The following PLEKHA6 variants were observed in gnomAD, a reference collection of about 807,000 sequenced individuals.
PLEKHA6 encodes pleckstrin homology domain-containing family A member 6.
PLEKHA6 carries 60 observed loss-of-function variants against 116.7 expected under a neutral mutation model. The ratio of observed to expected loss-of-function variants is 0.51; its 90% CI spans 0.42 to 0.64. The LOEUF (loss-of-function observed/expected upper bound fraction) is 0.64, where lower values mean the gene tolerates loss of function less well. Ranked by LOEUF, PLEKHA6 falls within the 30% of genes least tolerant of loss-of-function variation. The pLI is 0.00. For synonymous variants in PLEKHA6, 489 were observed against 556.1 expected (o/e 0.88, Z 1.70); for missense variants, 1,338 against 1,422.7 (o/e 0.94, Z 0.96).
chr1:204,237,814 A>G (rs777028044), intron 17 of PLEKHA6, among the ~76,000 whole-genome samples: 4 of 152,256 alleles, frequency 2.6e-5, no homozygotes, highest in Non-Finnish European at 5.9e-5. Flanking sequence ...CTTCCGCAAG[A>G]TATCACACTG....
intron 17 of PLEKHA6, among the ~76,000 whole-genome samples, chr1:204,236,835 C>T (rs1297715416): frequency 6.6e-6 from 1 of 152,178 alleles, no homozygotes; most frequent in African/African-American, 2.4e-5. Flanking sequence ...AACAGAGAAT[C>T]ACAGCCTCTC....
intron 9 of PLEKHA6, among the ~76,000 whole-genome samples, chr1:204,255,382 G>A (rs1665138163): frequency 6.6e-6 from 1 of 152,178 alleles, no homozygotes. Flanking sequence ...GGAGAAATAA[G>A]AGGTGGCATT....
At chr1:204,308,687 C>T (rs200353031) in intron 1 of PLEKHA6, among the ~76,000 whole-genome samples, 45 of 81,394 alleles carry the variant, frequency 5.5e-4, no homozygotes, top group Admixed American at 7.1e-4. Flanking sequence ...TTTTCTTTTT[C>T]TTTTTTTTTT....
intron 1 of PLEKHA6, chr1:204,301,565 C>T: frequency 3.1e-6 from 2 of 639,898 alleles, no homozygotes; most frequent in Non-Finnish European, 3.9e-6. Context: ...TTCATCTGTA[C>T]CACTTACTCC....
intron 5 of PLEKHA6, among the ~76,000 whole-genome samples, chr1:204,266,581 C>T (rs1322441344): frequency 6.6e-6 from 1 of 152,210 alleles, no homozygotes; most frequent in Non-Finnish European, 1.5e-5. Context: ...TGCTCAGCCC[C>T]TTCCTGATTT....
At chr1:204,375,019 A>G (rs1426801291) in intron 1 of PLEKHA6, among the ~76,000 whole-genome samples, 1 of 151,606 alleles carries the variant, frequency 6.6e-6, no homozygotes, top group Admixed American at 6.6e-5. Context: ...TTTCTTCTTA[A>G]CATCCCTCTT....
At chr1:204,253,096 T>C (rs1387557792) in intron 9 of PLEKHA6, among the ~76,000 whole-genome samples, 1 of 152,178 alleles carries the variant, frequency 6.6e-6, no homozygotes, top group Non-Finnish European at 1.5e-5. Context: ...GCCTCACACA[T>C]GGTAAGGAGT....
rs201219902 is a variant in PLEKHA6, at chr1:204,225,493, CTG to C, written c.3032-1910_3032-1909del. Among the ~76,000 whole-genome samples, 678 of 152,350 alleles carry C rather than the reference CTG, an allele frequency of 4.5e-3. 6 individuals are homozygous for C. The Middle Eastern group carries it at 0.061, about 14-fold the overall frequency. ...GTCACACATACTCACATTCATGACACTGTACTTTCTCCCAGCCTGTGCACACA... is the reference window on the plus strand; with the variant it reads ...GTCACACATACTCACATTCATGACACTACTTTCTCCCAGCCTGTGCACACA... On this transcript the variant is annotated intron_variant, in intron 21 of 22. Coordinates refer to ENST00000272203, the MANE Select transcript of PLEKHA6 (RefSeq NM_014935.5).
At chr1:204,271,369 C>T (rs1327047829) in intron 3 of PLEKHA6, among the ~76,000 whole-genome samples, 4 of 152,146 alleles carry the variant, frequency 2.6e-5, no homozygotes, top group African/African-American at 7.2e-5. Flanking sequence ...AACAAGCACT[C>T]AGCAACTGTT....
At chr1:204,319,413 T>C (rs1274511818) in intron 1 of PLEKHA6, among the ~76,000 whole-genome samples, 1 of 152,224 alleles carries the variant, frequency 6.6e-6, no homozygotes, top group East Asian at 1.9e-4. Context: ...ACATACATTA[T>C]TTTTTTAAAA....
chr1:204,303,834 C>T (rs1371677313), intron 1 of PLEKHA6, among the ~76,000 whole-genome samples: 1 of 152,192 alleles, frequency 6.6e-6, no homozygotes, highest in Non-Finnish European at 1.5e-5. Context: ...CTGCCTTAGC[C>T]TCCTGAGTAG....
intron 3 of PLEKHA6, 65 bp from the exon 4 acceptor site, chr1:204,268,377 G>C: frequency 8.6e-7 from 1 of 1,159,702 alleles, no homozygotes; most frequent in Non-Finnish European, 1.2e-6. Flanking sequence ...ATCTGCAAGG[G>C]AGCCACCCCT....
At chr1:204,366,784 C>T (rs779385298) in intron 3 of PLEKHA6, among the ~76,000 whole-genome samples, 6 of 152,118 alleles carry the variant, frequency 3.9e-5, no homozygotes, top group Non-Finnish European at 4.4e-5. Context: ...AATAGGTTAG[C>T]GGCTAAGCTG....
chr1:204,271,892 T>C (rs1463713604), intron 3 of PLEKHA6, among the ~76,000 whole-genome samples: 2 of 151,938 alleles, frequency 1.3e-5, no homozygotes, highest in Non-Finnish European at 2.9e-5. Context: ...GTATCACGTA[T>C]TTTCTTTTTT....
In PLEKHA6 at chr1:204,352,022, C is replaced by A. The variant is rs111889735; in HGVS notation, c.-95+7672G>T. ...CTGGCAGGCGGAGGTTGCAGTGAGC[C>A]GAGATCTCGCCACTGCACTCCAGCC... is the stretch of plus-strand genomic sequence containing the variant. On this transcript the variant is annotated intron_variant, in intron 1 of 22. Coordinates refer to ENST00000272203, the MANE Select transcript of PLEKHA6 (RefSeq NM_014935.5). 2.6e-5 allele frequency among the ~76,000 whole-genome samples: 4 copies of A among 151,760 alleles called. No individual in the cohort carries two copies. In the East Asian group the frequency reaches 7.8e-4, roughly 29 times the overall value.
At chr1:204,350,195 C>T (rs918014379) in intron 1 of PLEKHA6, among the ~76,000 whole-genome samples, 3 of 152,150 alleles carry the variant, frequency 2.0e-5, no homozygotes, top group African/African-American at 2.4e-5. Flanking sequence ...GTGGCAAGCA[C>T]GTGTAGTCCC....
chr1:204,246,962 C>A (rs888369289), intron 13 of PLEKHA6, among the ~76,000 whole-genome samples: 1 of 152,196 alleles, frequency 6.6e-6, no homozygotes, highest in South Asian at 2.1e-4. Context: ...ACAGGGAGAC[C>A]CTGACTCTAC....
chr1:204,273,617 T>G lies in PLEKHA6; in HGVS notation c.102+9A>C, dbSNP rs1037571980. 2.5e-6 allele frequency: 4 copies of G among 1,598,818 alleles called. No individual in the cohort carries two copies. Among genetic ancestry groups the G allele is most frequent in the Non-Finnish European group, 2.6e-6 (3 of 1,166,104 alleles). On this transcript the variant is annotated intron_variant, in intron 3 of 22. Transcript: ENST00000272203. The stretch of plus-strand genomic sequence containing the variant: ...CAGCCCAACAGCTTGCCTTGAGGGC[T>G]GGACTTACCCGGACGCTGGGCCGCT...
At chr1:204,258,679 T>C (rs755421466) in intron 8 of PLEKHA6, among the ~76,000 whole-genome samples, 8 of 152,242 alleles carry the variant, frequency 5.3e-5, no homozygotes, top group South Asian at 2.1e-4. Flanking sequence ...AGGGACACCA[T>C]TGGGCCCAAT....
Sources: gnomAD v4.1 joint callset for allele counts (sites outside exome capture counted in the v4.1 genomes callset) on GRCh38, gnomAD v4.1.1 for gene constraint, MANE v1.5 for transcripts, NCBI Gene and HGNC (gene_info 2026-07-23, HGNC 2026-07-21) for gene names.